Variants in F5 observed in about 807,000 individuals in gnomAD.
F5 encodes activated protein c cofactor.
In F5, 138 loss-of-function variants were observed where a neutral mutation model predicts 216.4. The ratio of observed to expected loss-of-function variants is 0.64; its 90% confidence interval spans 0.56 to 0.73. The LOEUF (loss-of-function observed/expected upper bound fraction) is 0.73, where lower values mean the gene tolerates loss of function less well. Ranked by LOEUF, F5 falls within the 30% of genes least tolerant of loss-of-function variation. F5 has a pLI of 0.00. For missense variants in F5, 2,403 were observed against 2,674.0 expected (o/e 0.90, Z 2.24); for synonymous variants, 916 against 930.7 (o/e 0.98, Z 0.29).
intron 24 of F5, 57 bp downstream of exon 24, chr1:169,515,387 A>G: frequency 6.3e-7 from 1 of 1,590,208 alleles, no homozygotes; most frequent in Non-Finnish European, 8.6e-7. Flanking sequence ...AAATACTGTT[A>G]TTCTCATTAT....
chr1:169,572,215 T>C lies in F5; in HGVS notation c.373+6A>G. 6.2e-7 allele frequency: 1 copy of C among 1,611,616 alleles called. No individual in the cohort carries two copies. Among genetic ancestry groups the C allele is most frequent in the Non-Finnish European group, 8.5e-7 (1 of 1,178,800 alleles). On this transcript the variant is annotated splice_donor_region_variant and intron_variant, in intron 3 of 24. Coordinates refer to ENST00000367797, the MANE Select transcript of F5 (RefSeq NM_000130.5). ...CCTTTTCAGAAAAATATTAGATTTATCTTACCTTCTGATAATTTACTGTAC... is the reference window on the plus strand; with the variant it reads ...CCTTTTCAGAAAAATATTAGATTTACCTTACCTTCTGATAATTTACTGTAC...
Position 169,556,579 on chromosome 1 carries a change from A to C in F5, c.952+67T>G, listed in dbSNP as rs1011990762. On this transcript the variant is annotated intron_variant, in intron 6 of 24. Transcript: ENST00000367797. ...TGGCTTGAAAGGGCAAGGGAGAAAG[A>C]GGGAGTTAGTGCATGGGAAGAAAGG... The C allele has an allele frequency of 1.3e-5, 19 of 1,485,566 alleles. No homozygotes were observed. In the African/African-American group the frequency reaches 2.1e-4, roughly 16 times the overall value. The allele number at this position is 1,485,566 out of a possible 1,614,324, so 92.0% of individuals were successfully genotyped here.
At chr1:169,552,865 G>T in intron 7 of F5, 131 bp from the exon 8 acceptor site, 2 of 705,384 alleles carry the variant, frequency 2.8e-6, no homozygotes, top group Non-Finnish European at 2.4e-6. Context: ...ATTTCTTAGT[G>T]TAGTTTGCAA....
chr1:169,552,324 C>T (rs1660192047), intron 8 of F5, among the ~76,000 whole-genome samples: 1 of 152,254 alleles, frequency 6.6e-6, no homozygotes, highest in African/African-American at 2.4e-5. Flanking sequence ...CGTATTCTAT[C>T]CCAATTACAT....
In F5 at chr1:169,582,444, T is replaced by G; in HGVS notation, c.237A>C (p.Gln79His). 1 of 1,518,806 alleles carries G rather than the reference T, an allele frequency of 6.6e-7. No homozygotes were observed. The highest frequency in any genetic ancestry group is 9.1e-7 in the Non-Finnish European group (1 of 1,099,890). The allele number at this position is 1,518,806 out of a possible 1,614,324, so 94.1% of individuals were successfully genotyped here. A position where few individuals can be genotyped will look rare whatever the true frequency, so the allele number is the denominator to read the frequency against. Residue 79 changes from glutamine (Q) to histidine (H), a missense_variant, in exon 2 of 25, where the codon CAA becomes CAC. Gln to His is a conservative substitution (Grantham distance 24). This residue lies in a region of F5 where 1,425 missense variants were observed against 1,554.8 expected (regional missense o/e 0.92). Transcript: ENST00000367797. ...TTTCAGGCTTACCTGAAATGGTAGA[T>G]TGTGGTTTTTCTTTCTTAAAATATG... Reference protein sequence around the residue: ...YEPYFKKEKPQSTISGLLGPT... With the variant: ...YEPYFKKEKPHSTISGLLGPT...
rs1382732496 is a variant in F5, at chr1:169,541,594, A to G, written c.3496T>C (p.Phe1166Leu). Residue 1166 changes from phenylalanine to leucine, a missense_variant, in exon 13 of 25, where the codon TTC (phenylalanine) becomes CTC (leucine). Coordinates refer to ENST00000367797, the MANE Select transcript of F5 (RefSeq NM_000130.5). Reference protein sequence around the residue: ...MLEYDRSHKSFPTDISQMSPS... With the variant: ...MLEYDRSHKSLPTDISQMSPS... ...GACATTTGACTTATATCTGTGGGGA[A>G]GGACTTGTGACTTCGGTCATACTCA... is the stretch of plus-strand genomic sequence containing the variant. 1.2e-6 allele frequency: 2 copies of G among 1,614,038 alleles called. No homozygotes were observed. Among genetic ancestry groups the G allele is most frequent in the Non-Finnish European group, 1.7e-6 (2 of 1,180,012 alleles).
At chr1:169,563,175 C>A (rs763418692) in intron 3 of F5, among the ~76,000 whole-genome samples, 9 of 152,160 alleles carry the variant, frequency 5.9e-5, no homozygotes, top group South Asian at 4.1e-4. Flanking sequence ...TAGTTTCTAA[C>A]GATAAGTCTG....
chr1:169,541,266 G>GTT lies in F5; in HGVS notation c.3823_3824insAA (p.Pro1275GlnfsTer14), dbSNP rs1659840743. The GTT allele has an allele frequency of 6.5e-7, 1 of 1,537,828 alleles. No homozygotes were observed. The highest frequency in any genetic ancestry group is 1.4e-5 in the African/African-American group (1 of 72,326). On this transcript the variant is annotated frameshift_variant, in exon 13 of 25. Coordinates refer to ENST00000367797, the MANE Select transcript of F5 (RefSeq NM_000130.5). LOFTEE classifies it high-confidence loss of function. Reference sequence around the variant, plus strand: ...TGTATGGCTGAGGTCTGGAGAAAGGGGCATCTGACCGAGGGCTGGAGAAAG... The same window carrying GTT: ...TGTATGGCTGAGGTCTGGAGAAAGGGTTGCATCTGACCGAGGGCTGGAGAAAG...
At chr1:169,555,102 T>A in intron 7 of F5, 80 bp downstream of exon 7, 1 of 1,524,374 alleles carries the variant, frequency 6.6e-7, no homozygotes, top group Non-Finnish European at 9.1e-7. Flanking sequence ...GCTGTGAACT[T>A]ACATTTCACC....
At position 169,525,944 on chromosome 1, in the gene F5, G is replaced by T; in HGVS notation, c.5673C>A (p.Asn1891Lys). 2 of 1,613,192 alleles carry T rather than the reference G, an allele frequency of 1.2e-6. No homozygotes were observed. Among genetic ancestry groups the T allele is most frequent in the Non-Finnish European group, 1.7e-6 (2 of 1,179,408 alleles). The change falls in exon 18 of 25, where the codon AAC becomes AAA. Residue 1891 changes from asparagine to lysine, a missense_variant. By Grantham distance (94) the Asn-to-Lys change is moderately conservative. This residue lies in a region of F5 where 659 missense variants were observed against 787.9 expected (regional missense o/e 0.84). Transcript: ENST00000367797. ...WWLLNTEVGE[N>K]QRAGMQTPFL... ...ATGGCGTTTGCATCCCTGCTCTCTG[G>T]TTTTCTCCAACCTCTGTGTTTAGGA...
chr1:169,583,722 C>G (rs888422349), intron 1 of F5, among the ~76,000 whole-genome samples: 1 of 152,100 alleles, frequency 6.6e-6, no homozygotes, highest in Non-Finnish European at 1.5e-5. Flanking sequence ...TCTCAGAAAG[C>G]AAAAACAAAT....
intron 7 of F5, among the ~76,000 whole-genome samples, chr1:169,553,014 G>T (rs1471670266): frequency 6.6e-6 from 1 of 152,138 alleles, no homozygotes; most frequent in Non-Finnish European, 1.5e-5. Context: ...GCAGACATTT[G>T]ATATCTCTGG....
chr1:169,570,147 A>G (rs1028983937), intron 3 of F5, among the ~76,000 whole-genome samples: 4 of 152,086 alleles, frequency 2.6e-5, no homozygotes, highest in Non-Finnish European at 5.9e-5. Context: ...GCCAATAATC[A>G]TGTCTCCAGT....
chr1:169,523,082 A>G, intron 21 of F5, 115 bp downstream of exon 21: 1 of 1,150,582 alleles, frequency 8.7e-7, no homozygotes, highest in Non-Finnish European at 1.3e-6. Context: ...AAAGCCATTC[A>G]CATTTCTAAT....
chr1:169,522,755 C>T (rs1274272736), intron 21 of F5, among the ~76,000 whole-genome samples: 2 of 152,138 alleles, frequency 1.3e-5, no homozygotes, highest in South Asian at 2.1e-4. Context: ...CTGAGAATCA[C>T]ACTGCCTCAG....
chr1:169,570,298 G>A (rs1660694281), intron 3 of F5, among the ~76,000 whole-genome samples: 1 of 152,098 alleles, frequency 6.6e-6, no homozygotes, highest in Admixed American at 6.6e-5. Flanking sequence ...AGGGTCCAAA[G>A]TCTACAATTC....
At chr1:169,550,491 A>T in intron 9 of F5, 149 bp downstream of exon 9, 1 of 693,124 alleles carries the variant, frequency 1.4e-6, no homozygotes, top group South Asian at 1.6e-5. Flanking sequence ...TCCTGAAGTG[A>T]GAAGGGTTTG....
rs547685540 is a variant in F5 at position 169,520,722 on chromosome 1, T to A, written c.6049-58A>T. 4 of 1,447,296 alleles carry A rather than the reference T, an allele frequency of 2.8e-6. No individual in the cohort carries two copies. In the Admixed American group the frequency reaches 5.4e-5, roughly 19 times the overall value. The allele number at this position is 1,447,296 out of a possible 1,614,324, so 89.7% of individuals were successfully genotyped here. ...CAATGATCTATAAAGTGACTTTATA[T>A]TAAAATTTTGATCTAATTTAATATT... On this transcript the variant is annotated intron_variant, in intron 21 of 24. Coordinates refer to ENST00000367797, the MANE Select transcript of F5 (RefSeq NM_000130.5).
At chr1:169,584,635 A>G (rs1661063673) in intron 1 of F5, among the ~76,000 whole-genome samples, 1 of 152,346 alleles carries the variant, frequency 6.6e-6, no homozygotes, top group East Asian at 1.9e-4. Flanking sequence ...GGCTATGTTG[A>G]TATTCACCTA....
Sources: gnomAD v4.1 joint callset for allele counts (sites outside exome capture counted in the v4.1 genomes callset) on GRCh38, gnomAD v4.1.1 for gene constraint, gnomAD v4.1.1 regional missense constraint, MANE v1.5 for transcripts, NCBI Gene and HGNC (gene_info 2026-07-23, HGNC 2026-07-21) for gene names.